Variants in TRAPPC9 observed in about 807,000 individuals in gnomAD.
TRAPPC9 encodes trafficking protein particle complex subunit 9.
A neutral mutation model predicts 124.0 loss-of-function variants in TRAPPC9; 83 were observed. The ratio of observed to expected loss-of-function variants is 0.67; its 90% CI spans 0.56 to 0.80. TRAPPC9 has a LOEUF of 0.80. TRAPPC9 is among the 30% of genes least tolerant of loss of function. The probability of loss-of-function intolerance (pLI) is 0.00; values close to 1 mark genes in which losing one functional copy is unlikely to be tolerated. For synonymous variants in TRAPPC9, 638 were observed against 617.5 expected, an observed-to-expected ratio of 1.03 and a Z score of -0.49; for missense variants, 1,302 against 1,508.3, an observed-to-expected ratio of 0.86 and a Z score of 2.27.
At chr8:140,141,037 A>G (rs1486209600) in intron 17 of TRAPPC9, among the ~76,000 whole-genome samples, 3 of 152,230 alleles carry the variant, frequency 2.0e-5, no homozygotes, top group African/African-American at 4.8e-5. Flanking sequence ...TCATGCTAAC[A>G]TACTTAACTA....
chr8:139,898,358 C>A (rs1830798088), intron 20 of TRAPPC9, among the ~76,000 whole-genome samples: 1 of 152,232 alleles, frequency 6.6e-6, no homozygotes, highest in Non-Finnish European at 1.5e-5. Flanking sequence ...GGTTTACGGT[C>A]TCTGAGTCCC....
chr8:140,291,482 AGAGGG>A (rs2065658448), intron 11 of TRAPPC9, among the ~76,000 whole-genome samples: 1 of 152,230 alleles, frequency 6.6e-6, no homozygotes, highest in African/African-American at 2.4e-5. Context: ...TAAGATTGTG[AGAGGG>A]GAGTCTTCTC....
chr8:140,359,686 G>A (rs2067878991), intron 9 of TRAPPC9, among the ~76,000 whole-genome samples: 1 of 152,114 alleles, frequency 6.6e-6, no homozygotes, highest in African/African-American at 2.4e-5. Flanking sequence ...TATGAGTCGT[G>A]CACTCCTCTA....
At chr8:139,836,946 G>C (rs1826398548) in intron 21 of TRAPPC9, among the ~76,000 whole-genome samples, 1 of 152,152 alleles carries the variant, frequency 6.6e-6, no homozygotes, top group Admixed American at 6.5e-5. Context: ...TGTCGTTGTT[G>C]TTGTTAAAAA....
intron 21 of TRAPPC9, among the ~76,000 whole-genome samples, chr8:139,736,141 G>C (rs544171892): frequency 6.6e-6 from 1 of 152,220 alleles, no homozygotes; most frequent in Non-Finnish European, 1.5e-5. Context: ...CAGCCAGAGC[G>C]AGCACTCCTG....
At chr8:139,892,877 C>T (rs1347072357) in intron 20 of TRAPPC9, among the ~76,000 whole-genome samples, 1 of 152,186 alleles carries the variant, frequency 6.6e-6, no homozygotes, top group Non-Finnish European at 1.5e-5. Context: ...GAAGCTGCAC[C>T]ATCACTGGCA....
intron 17 of TRAPPC9, among the ~76,000 whole-genome samples, chr8:140,208,144 C>G (rs2062971384): frequency 7.2e-6 from 1 of 138,022 alleles, no homozygotes; most frequent in South Asian, 2.4e-4. Context: ...AAATGAAACT[C>G]TGTCTCAAAA....
intron 1 of TRAPPC9, among the ~76,000 whole-genome samples, 160 bp from the exon 2 acceptor site, chr8:140,451,543 G>A (rs1202049225): frequency 2.0e-5 from 3 of 152,286 alleles, no homozygotes; most frequent in East Asian, 1.9e-4. Flanking sequence ...CGTGGCTGTC[G>A]CAGCTCTGAT....
chr8:140,063,202 G>A lies in TRAPPC9; in HGVS notation c.2557-39123C>T, dbSNP rs1042188957. Among the ~76,000 whole-genome samples the A allele has an allele frequency of 6.6e-6, 1 of 152,100 alleles. No individual in the cohort carries two copies. The highest frequency in any genetic ancestry group is 1.5e-5 in the Non-Finnish European group (1 of 68,028). On this transcript the variant is annotated intron_variant, in intron 17 of 22. Transcript: ENST00000438773. The surrounding 1 kb of genome is among the most constrained non-coding windows in gnomAD (Gnocchi z 4.3). Reference sequence around the variant, plus strand: ...ACCTGGTCTCTCCCTTGATACATGGGGCTTATGGAGATTATAATTTACAGT... The same window carrying A: ...ACCTGGTCTCTCCCTTGATACATGGAGCTTATGGAGATTATAATTTACAGT...
chr8:139,773,136 C>T (rs536560571), intron 21 of TRAPPC9, among the ~76,000 whole-genome samples: 1 of 152,350 alleles, frequency 6.6e-6, no homozygotes, highest in East Asian at 1.9e-4. Context: ...CACTGGCTGC[C>T]TCGGGAGTCA....
chr8:140,262,327 C>T (rs1196272045), intron 15 of TRAPPC9, among the ~76,000 whole-genome samples: 1 of 152,154 alleles, frequency 6.6e-6, no homozygotes, highest in Non-Finnish European at 1.5e-5. Context: ...CACCTTCATC[C>T]CCTCAGCCCT....
Position 139,919,015 on chromosome 8 carries a change from C to T in TRAPPC9, c.2811-8715G>A, listed in dbSNP as rs543865397. 1.9e-4 allele frequency among the ~76,000 whole-genome samples: 29 copies of T among 152,308 alleles called. No homozygotes were observed. In the East Asian group the frequency reaches 2.9e-3, roughly 15 times the overall value. On this transcript the variant is annotated intron_variant, in intron 19 of 22. Coordinates refer to ENST00000438773, the MANE Select transcript of TRAPPC9 (RefSeq NM_001160372.4). ...CCGGTGCCCGGAGCTTCATTCCCCA[C>T]GGCCTCTGACACACAGCATGCAGGG...
intron 17 of TRAPPC9, among the ~76,000 whole-genome samples, chr8:140,126,738 A>T (rs2061105492): frequency 6.6e-6 from 1 of 152,188 alleles, no homozygotes; most frequent in African/African-American, 2.4e-5. Flanking sequence ...ACCAAATCTC[A>T]TCTCCAGGCC....
At chr8:139,770,379 T>A (rs151041349) in intron 21 of TRAPPC9, among the ~76,000 whole-genome samples, 1 of 152,248 alleles carries the variant, frequency 6.6e-6, no homozygotes, top group Non-Finnish European at 1.5e-5. Flanking sequence ...CATGTTTTGC[T>A]CCTTTGCAGA....
intron 16 of TRAPPC9, among the ~76,000 whole-genome samples, chr8:140,236,078 C>CCT (rs1224101431): frequency 7.2e-6 from 1 of 138,774 alleles, no homozygotes; most frequent in East Asian, 2.2e-4. Flanking sequence ...CACTGTATTT[C>CCT]CTTTTTTTTT....
At position 140,279,060 on chromosome 8, in the gene TRAPPC9, C is replaced by T. The variant is rs374134999; in HGVS notation, c.2115-3239G>A. Among the ~76,000 whole-genome samples the T allele has an allele frequency of 8.7e-4, 132 of 152,342 alleles. 1 individual carries two copies. The South Asian group carries it at 0.019, about 22-fold the overall frequency. On this transcript the variant is annotated intron_variant, in intron 14 of 22. Coordinates refer to ENST00000438773, the MANE Select transcript of TRAPPC9 (RefSeq NM_001160372.4). ...TTGACTTGTTGTTCCCTCTTCTTTG[C>T]ATTTTCTTCCATGCTTGATTATCTG...
chr8:140,442,857 TGGCGA>T (rs1293634547), intron 2 of TRAPPC9, among the ~76,000 whole-genome samples: 1 of 150,730 alleles, frequency 6.6e-6, no homozygotes, highest in African/African-American at 2.4e-5. Flanking sequence ...TCTTTGGGCC[TGGCGA>T]GGTGGCTCAT....
intron 17 of TRAPPC9, among the ~76,000 whole-genome samples, chr8:140,199,760 T>C (rs545474908): frequency 2.0e-5 from 3 of 152,156 alleles, no homozygotes; most frequent in Admixed American, 1.3e-4. Flanking sequence ...AAAAACACTT[T>C]TGAGAATACA....
chr8:140,196,453 A>G (rs111485515), intron 17 of TRAPPC9, among the ~76,000 whole-genome samples: 703 of 67,336 alleles, frequency 0.01, no homozygotes, highest in Non-Finnish European at 0.014. Context: ...AACACACTCA[A>G]CGATCCACCA....
Sources: gnomAD v4.1 joint callset for allele counts (sites outside exome capture counted in the v4.1 genomes callset) on GRCh38, gnomAD v4.1.1 for gene constraint, Gnocchi (gnomAD v3.1) non-coding constraint, MANE v1.5 for transcripts, NCBI Gene and HGNC (gene_info 2026-07-23, HGNC 2026-07-21) for gene names.